NAAA: variants seen among roughly 807,000 people sequenced by gnomAD.
NAAA encodes N-acylethanolamine acid amidase.
In NAAA, 39 loss-of-function variants were observed where a neutral mutation model predicts 44.8. The ratio of observed to expected loss-of-function variants is 0.87; its 90% CI spans 0.67 to 1.14. The LOEUF (loss-of-function observed/expected upper bound fraction) is 1.14, where lower values mean the gene tolerates loss of function less well. Ranked by LOEUF, NAAA falls within the 50% of genes most tolerant of loss-of-function variation. The pLI is 0.00. For synonymous variants in NAAA, 178 were observed against 191.3 expected (o/e 0.93, Z 0.58); for missense variants, 460 against 467.8 (o/e 0.98, Z 0.15).
chr4:75,940,351 CG>C, intron 1 of NAAA, 186 bp from the exon 2 acceptor site: 3 of 221,748 alleles, frequency 1.4e-5, no homozygotes, highest in Non-Finnish European at 2.6e-5. Context: ...GGGAAGGGGG[CG>C]GGGGGAAGGC....
intron 1 of NAAA, 116 bp downstream of exon 1, chr4:75,940,628 C>T: frequency 8.3e-7 from 1 of 1,208,288 alleles, no homozygotes; most frequent in Middle Eastern, 2.8e-4. Context: ...AAAACCAGTT[C>T]TCCAAGGGTG....
downstream of NAAA, among the ~76,000 whole-genome samples, chr4:75,911,183 T>C (rs187151307): frequency 1.7e-3 from 258 of 152,264 alleles, no homozygotes; most frequent in Non-Finnish European, 2.3e-3. Flanking sequence ...CAGGAACAAA[T>C]CACAATGGTG....
chr4:75,931,964 T>C (rs532403783), intron 3 of NAAA, among the ~76,000 whole-genome samples: 1 of 152,368 alleles, frequency 6.6e-6, no homozygotes, highest in East Asian at 1.9e-4. Flanking sequence ...GAGCAGTGGC[T>C]CACGCCTGTA....
Position 75,925,763 on chromosome 4 carries a change from T to TG in NAAA, c.637dup (p.His213ProfsTer14). On this transcript the variant is annotated frameshift_variant, in exon 5 of 11. Transcript: ENST00000286733. LOFTEE classifies it high-confidence loss of function. ...GCGGATCAGCCAGCTGACGGGAATGTGTCTCCGAAACAGGGCAGCGATAGC... is the reference window on the plus strand; with the variant it reads ...GCGGATCAGCCAGCTGACGGGAATGTGGTCTCCGAAACAGGGCAGCGATAGC... 6.2e-7 allele frequency: 1 copy of TG among 1,614,222 alleles called. No homozygotes were observed. The highest frequency in any genetic ancestry group is 8.5e-7 in the Non-Finnish European group (1 of 1,180,042).
intron 5 of NAAA, among the ~76,000 whole-genome samples, chr4:75,922,720 T>C (rs1016894378): frequency 3.3e-5 from 5 of 152,250 alleles, no homozygotes; most frequent in African/African-American, 1.2e-4. Context: ...CCAATTAATC[T>C]GCCTTTTGTG....
chr4:75,935,135 T>G (rs1186932888), intron 3 of NAAA: 1 of 152,206 alleles, frequency 6.6e-6, no homozygotes, highest in Non-Finnish European at 1.5e-5. Context: ...TTGTTAATAG[T>G]GGCAAAGTAA....
Position 75,940,968 on chromosome 4 carries a change from C to A in NAAA, c.-19G>T. 1.4e-6 allele frequency: 2 copies of A among 1,460,284 alleles called. No individual in the cohort carries two copies. The highest frequency in any genetic ancestry group is 1.8e-6 in the Non-Finnish European group (2 of 1,116,362). 90.5% of individuals were successfully genotyped at this position (1,460,284 alleles called of 1,614,324 possible). A position where few individuals can be genotyped will look rare whatever the true frequency, so the allele number is the denominator to read the frequency against. ...TCCGCATGGCTCGGGCTCCAGCGGC[C>A]GCAACTTGGAGACCTGCAGCCGCTG... is the stretch of plus-strand genomic sequence containing the variant. On this transcript the variant is annotated 5_prime_UTR_variant, in exon 1 of 11. Coordinates refer to ENST00000286733, the MANE Select transcript of NAAA (RefSeq NM_014435.4).
intron 2 of NAAA, among the ~76,000 whole-genome samples, chr4:75,939,508 C>T (rs1195441540): frequency 6.6e-6 from 1 of 151,154 alleles, no homozygotes; most frequent in African/African-American, 2.4e-5. Context: ...CTCCGCCTCC[C>T]GGGTTCAAGT....
chr4:75,919,521 C>T (rs1725946161), intron 8 of NAAA: 1 of 243,938 alleles, frequency 4.1e-6, no homozygotes, highest in Non-Finnish European at 7.7e-6. Context: ...CTCGCTCTGT[C>T]AGGCTGGAGT....
intron 9 of NAAA, among the ~76,000 whole-genome samples, chr4:75,918,498 T>G (rs545393946): frequency 6.6e-6 from 1 of 152,186 alleles, no homozygotes; most frequent in Admixed American, 6.5e-5. Context: ...GGTCACTCTA[T>G]TCTTTTTACC....
intron 5 of NAAA, among the ~76,000 whole-genome samples, chr4:75,922,128 G>T (rs147033195): frequency 9.9e-4 from 151 of 152,174 alleles, no homozygotes; most frequent in African/African-American, 3.5e-3. Context: ...TCAAACAAAA[G>T]AACAATTCAA....
chr4:75,914,785 ATTTT>A, intron 10 of NAAA, 79 bp downstream of exon 10: 2 of 915,700 alleles, frequency 2.2e-6, no homozygotes, highest in Admixed American at 4.3e-5. Context: ...ATATGTATAC[ATTTT>A]AAGGATGTTA....
At chr4:75,925,136 C>A (rs1399710044) in intron 5 of NAAA, among the ~76,000 whole-genome samples, 2 of 152,236 alleles carry the variant, frequency 1.3e-5, no homozygotes, top group Non-Finnish European at 2.9e-5. Context: ...CCCGGGTTCA[C>A]GCCATTCTCC....
intron 3 of NAAA, among the ~76,000 whole-genome samples, chr4:75,933,479 A>T (rs1727425345): frequency 6.6e-6 from 1 of 152,154 alleles, no homozygotes; most frequent in South Asian, 2.1e-4. Flanking sequence ...TGGAAAATAA[A>T]AAGTAATTAT....
intron 5 of NAAA, among the ~76,000 whole-genome samples, chr4:75,923,270 A>G (rs773375705): frequency 6.6e-6 from 1 of 152,146 alleles, no homozygotes; most frequent in African/African-American, 2.4e-5. Flanking sequence ...TTCCTTATCA[A>G]ATCAAGAACT....
chr4:75,928,901 C>T (rs1338894602), intron 4 of NAAA, among the ~76,000 whole-genome samples: 2 of 151,922 alleles, frequency 1.3e-5, no homozygotes, highest in East Asian at 3.9e-4. Flanking sequence ...CATTCTCCTG[C>T]CTCAGCCTCA....
chr4:75,919,681 T>C (rs1463317009), intron 8 of NAAA: 4 of 587,402 alleles, frequency 6.8e-6, no homozygotes, highest in Middle Eastern at 4.4e-4. Flanking sequence ...GGTTTCACTG[T>C]GTTAGCCAGG....
chr4:75,925,730 C>T lies in NAAA; in HGVS notation c.666+5G>A, dbSNP rs1345118218. On this transcript the variant is annotated splice_donor_5th_base_variant and intron_variant, in intron 5 of 10. Coordinates refer to ENST00000286733, the MANE Select transcript of NAAA (RefSeq NM_014435.4). ...TAAGGAGGGCTCCACATTAAATATA[C>T]TCACAGCGCGGATCAGCCAGCTGAC... 7 of 1,613,994 alleles carry T rather than the reference C, an allele frequency of 4.3e-6. No individual in the cohort carries two copies. Among genetic ancestry groups the T allele is most frequent in the Non-Finnish European group, 5.9e-6 (7 of 1,179,986 alleles).
At chr4:75,918,002 G>C (rs1201602410) in intron 9 of NAAA, among the ~76,000 whole-genome samples, 1 of 152,206 alleles carries the variant, frequency 6.6e-6, no homozygotes, top group African/African-American at 2.4e-5. Flanking sequence ...TTTCTAAGGA[G>C]CTCCTAACAG....
Sources: allele counts gnomAD v4.1 joint callset (sites outside exome capture counted in the v4.1 genomes callset), GRCh38; gene constraint gnomAD v4.1.1; transcripts MANE v1.5; gene names NCBI Gene and HGNC (gene_info 2026-07-23, HGNC 2026-07-21).